LTK: variants seen among roughly 807,000 people sequenced by gnomAD.
LTK encodes leukocyte tyrosine kinase receptor.
LTK carries 117 observed loss-of-function variants against 101.5 expected under a neutral mutation model. The ratio of observed to expected loss-of-function variants is 1.15; its 90% confidence interval spans 0.99 to 1.34. The LOEUF is 1.34. Among genes scored for constraint, LTK ranks in the 40% most tolerant of loss-of-function variants. LTK has a pLI of 0.00. For missense variants in LTK, 1,252 were observed against 1,164.7 expected (o/e 1.07, Z -1.09); for synonymous variants, 563 against 494.2 (o/e 1.14, Z -1.85).
Position 41,505,770 on chromosome 15 carries a change from G to A in LTK, c.1640C>T (p.Pro547Leu). The A allele has an allele frequency of 2.5e-6, 4 of 1,613,898 alleles. No homozygotes were observed. Among genetic ancestry groups the A allele is most frequent in the Non-Finnish European group, 3.4e-6 (4 of 1,179,936 alleles). ...CTCATCCTGAGGCGAGCAGAGTTCT[G>A]GCAGGGTCTGGGGAGGAAAAGGGCA... The part of the protein sequence containing the change: ...SPLQVAIKTL[P>L]ELCSPQDELD... The change falls in exon 13 of 20, where the codon CCA becomes CTA. Residue 547 changes from proline (P) to leucine (L), a missense_variant. By Grantham distance (98) the Pro-to-Leu change is moderately conservative. Transcript: ENST00000263800.
chr15:41,510,610 C>G (rs559646912), intron 7 of LTK, among the ~76,000 whole-genome samples: 2 of 150,908 alleles, frequency 1.3e-5, no homozygotes, highest in African/African-American at 4.9e-5. Context: ...TACAGGCTCC[C>G]GCCACCACGC....
At position 41,505,207 on chromosome 15, in the gene LTK, C is replaced by T; in HGVS notation, c.1925+1G>A. 1.2e-6 allele frequency: 2 copies of T among 1,613,838 alleles called. No individual in the cohort carries two copies. Among genetic ancestry groups the T allele is most frequent in the Non-Finnish European group, 1.7e-6 (2 of 1,179,866 alleles). Reference sequence around the variant, plus strand: ...TCCCCTGAGCCAGGACTGCTCCTAACCTGTGGATGAAGTGATTTTCCTCCA... The same window carrying T: ...TCCCCTGAGCCAGGACTGCTCCTAATCTGTGGATGAAGTGATTTTCCTCCA... On this transcript the variant is annotated splice_donor_variant, in intron 15 of 19. Coordinates refer to ENST00000263800, the MANE Select transcript of LTK (RefSeq NM_002344.6). LOFTEE classifies it high-confidence loss of function.
rs776139152 is a variant in LTK, at chr15:41,513,049, G to C, written c.115C>G (p.Pro39Ala). Residue 39 changes from proline (P) to alanine (A), a missense_variant, in exon 2 of 20, where the codon CCC (proline) becomes GCC (alanine). Coordinates refer to ENST00000263800, the MANE Select transcript of LTK (RefSeq NM_002344.6). ...LRSSPLPLAS[P>A]SPRDPKVSAP... ...CTGACTTTCGGGTCCCGGGGGCTGGGACTTGCCAGCGGCAGGGGCGAGGAC... is the reference window on the plus strand; with the variant it reads ...CTGACTTTCGGGTCCCGGGGGCTGGCACTTGCCAGCGGCAGGGGCGAGGAC... 9 of 1,612,242 alleles carry C rather than the reference G, an allele frequency of 5.6e-6. No individual in the cohort carries two copies. The highest frequency in any genetic ancestry group is 7.6e-6 in the Non-Finnish European group (9 of 1,179,596).
intron 11 of LTK, 150 bp downstream of exon 11, chr15:41,506,945 C>G (rs2051305225): frequency 1.5e-6 from 1 of 655,950 alleles, no homozygotes; most frequent in African/African-American, 1.9e-5. Context: ...AAGTTACTTC[C>G]CCTTCTGGAG....
At position 41,505,454 on chromosome 15, in the gene LTK, G is replaced by C. The variant is rs1212439939; in HGVS notation, c.1774C>G (p.Leu592Val). The change falls in exon 14 of 20, where the codon CTG (leucine) becomes GTG (valine). Residue 592 changes from leucine to valine, a missense_variant. Transcript: ENST00000263800. ...RATPRLILLE[L>V]MSGGDMKSFL... The stretch of plus-strand genomic sequence containing the variant: ...CTCTTCATGTCCCCTCCAGACATCA[G>C]TTCCAGCAGAATGAGGCGAGGGGTG... 2 of 1,614,162 alleles carry C rather than the reference G, an allele frequency of 1.2e-6. No individual in the cohort carries two copies. Among genetic ancestry groups the C allele is most frequent in the Admixed American group, 3.3e-5 (2 of 60,020 alleles).
In LTK at chr15:41,511,509, G is replaced by T; in HGVS notation, c.727C>A (p.Arg243=). The change falls in exon 6 of 20, where the codon CGG becomes AGG. Residue 243 remains arginine (R), a synonymous_variant. Coordinates refer to ENST00000263800, the MANE Select transcript of LTK (RefSeq NM_002344.6). This position sits in a 1 kb window ranked among gnomAD's most constrained non-coding sequence, Gnocchi z 5.9. ...GAGGCCTGAGTCCGGCCTCGGTCCC[G>T]CGGCCTCAGGTAGGCCCGACCGCCG... ...GGGGRAYLRP[R]DRGRTQASPE... is the part of the protein sequence containing the mutation. 1 of 1,478,042 alleles carries T rather than the reference G, an allele frequency of 6.8e-7. No homozygotes were observed. The allele number at this position is 1,478,042 out of a possible 1,614,324, so 91.6% of individuals were successfully genotyped here. A position where few individuals can be genotyped will look rare whatever the true frequency, so the allele number is the denominator to read the frequency against.
Position 41,512,834 on chromosome 15 carries a change from G to C in LTK, c.232C>G (p.Arg78Gly), listed in dbSNP as rs370330041. 14 of 1,612,188 alleles carry C rather than the reference G, an allele frequency of 8.7e-6. No individual in the cohort carries two copies. In the African/African-American group the frequency reaches 1.6e-4, roughly 18 times the overall value. The change falls in exon 3 of 20, where the codon CGG becomes GGG. Residue 78 changes from arginine to glycine, a missense_variant. Coordinates refer to ENST00000263800, the MANE Select transcript of LTK (RefSeq NM_002344.6). ...CATTGTGTCTGTGTGGGCCCATGCC[G>C]GCCGCTGGCCCCGCAGGTAGAAAAC... ...WLFSTCGASGRHGPTQTQCDG... is the reference protein window; with the variant it reads ...WLFSTCGASGGHGPTQTQCDG...
At chr15:41,512,381 T>A in intron 3 of LTK, 116 bp from the exon 4 acceptor site, 2 of 1,012,422 alleles carry the variant, frequency 2.0e-6, no homozygotes, top group Non-Finnish European at 2.9e-6. Context: ...ACTTGGAGGC[T>A]GCAATCGACT....
chr15:41,505,718 G>A lies in LTK; in HGVS notation c.1692C>T (p.Ile564=). 6.2e-7 allele frequency: 1 copy of A among 1,613,834 alleles called. No homozygotes were observed. The highest frequency in any genetic ancestry group is 8.5e-7 in the Non-Finnish European group (1 of 1,179,926). Residue 564 remains isoleucine (I), a synonymous_variant, in exon 13 of 20, where the codon ATC becomes ATT. Coordinates refer to ENST00000263800, the MANE Select transcript of LTK (RefSeq NM_002344.6). ...DELDFLMEAL[I]ISKFRHQNIV... ...GCCCCTGGTCCCAGGTGCACCTGAT[G>A]ATGAGGGCCTCCATGAGGAAATCCA...
chr15:41,506,080 A>C (rs1595459549), intron 11 of LTK, 75 bp from the exon 12 acceptor site: 18 of 912,842 alleles, frequency 2.0e-5, no homozygotes, highest in East Asian at 2.5e-5. Flanking sequence ...TACCCCCTTT[A>C]CCTCCCCTGC....
rs1484865828 is a variant in LTK at position 41,513,721 on chromosome 15, C to T, written c.-12G>A. On this transcript the variant is annotated 5_prime_UTR_variant, in exon 1 of 20. Transcript: ENST00000263800. ...CCCCAGCAGCCCATCCCTGTTGGGT[C>T]CACCCGGCAACAAAAGCCCTTGCGG... is the stretch of plus-strand genomic sequence containing the variant. 1 of 1,608,674 alleles carries T rather than the reference C, an allele frequency of 6.2e-7. No individual in the cohort carries two copies. Among genetic ancestry groups the T allele is most frequent in the Non-Finnish European group, 8.5e-7 (1 of 1,177,076 alleles).
rs778764051 is a variant in LTK, at chr15:41,505,051, G to T, written c.1939C>A (p.Arg647=). Residue 647 remains arginine, a synonymous_variant, in exon 16 of 20, where the codon CGG becomes AGG. Coordinates refer to ENST00000263800, the MANE Select transcript of LTK (RefSeq NM_002344.6). ...CCAGCGCAGCTCAGCAGGCAGTTCCGGGCGGCAATATCCCTACAGAGTAGG... is the reference window on the plus strand; with the variant it reads ...CCAGCGCAGCTCAGCAGGCAGTTCCTGGCGGCAATATCCCTACAGAGTAGG... ...NHFIHRDIAA[R]NCLLSCAGPS... 5.0e-6 allele frequency: 8 copies of T among 1,612,952 alleles called. No individual in the cohort carries two copies. In the African/African-American group the frequency reaches 9.4e-5, roughly 19 times the overall value.
At position 41,503,842 on chromosome 15, in the gene LTK, G is replaced by T; in HGVS notation, c.*154C>A. On this transcript the variant is annotated 3_prime_UTR_variant, in exon 20 of 20. Coordinates refer to ENST00000263800, the MANE Select transcript of LTK (RefSeq NM_002344.6). ...TGGGCTGGTTTCCAGCATGGCAAGT[G>T]CAGCGCTGCCAGGCCAGCCCCGAGA... 1 of 903,674 alleles carries T rather than the reference G, an allele frequency of 1.1e-6. No individual in the cohort carries two copies. The highest frequency in any genetic ancestry group is 1.6e-6 in the Non-Finnish European group (1 of 612,220). The allele number at this position is 903,674 out of a possible 1,614,324, so 56.0% of individuals were successfully genotyped here.
Position 41,504,891 on chromosome 15 carries a change from G to GT in LTK, c.2019-18dup, listed in dbSNP as rs780609118. ...TAACTGGCCCTACAGGAGGGAGGAG[G>GT]TGAATGATGAGTTGTTCACCACCAA... is the stretch of plus-strand genomic sequence containing the variant. On this transcript the variant is annotated splice_polypyrimidine_tract_variant and intron_variant, in intron 16 of 19. Transcript: ENST00000263800. 3 of 1,608,098 alleles carry GT rather than the reference G, an allele frequency of 1.9e-6. No homozygotes were observed. In the South Asian group the frequency reaches 3.3e-5, roughly 18 times the overall value.
intron 17 of LTK, 46 bp downstream of exon 17, chr15:41,504,727 C>G: frequency 6.5e-7 from 1 of 1,536,098 alleles, no homozygotes; most frequent in Non-Finnish European, 8.9e-7. Flanking sequence ...GGATTAGCCT[C>G]AGGGGAGGGG....
Position 41,511,308 on chromosome 15 carries a change from G to T in LTK, c.853C>A (p.Gln285Lys). 1 of 1,369,224 alleles carries T rather than the reference G, an allele frequency of 7.3e-7. No individual in the cohort carries two copies. Among genetic ancestry groups the T allele is most frequent in the Non-Finnish European group, 9.4e-7 (1 of 1,069,344 alleles). 84.8% of individuals were successfully genotyped at this position (1,369,224 alleles called of 1,614,324 possible). The change falls in exon 7 of 20, where the codon CAG (glutamine) becomes AAG (lysine). Residue 285 changes from glutamine to lysine, a missense_variant. Physicochemically the swap from Gln to Lys is moderately conservative, Grantham distance 53 (BLOSUM62 1). Transcript: ENST00000263800. This position sits in a 1 kb window ranked among gnomAD's most constrained non-coding sequence, Gnocchi z 5.9. ...CCCTCCTGCAGTGAGCGGCCGGCCTGCGGAGAGGGAGCCCGCGACGTCCAG... is the reference window on the plus strand; with the variant it reads ...CCCTCCTGCAGTGAGCGGCCGGCCTTCGGAGAGGGAGCCCGCGACGTCCAG... ...GGWTSRAPSP[Q>K]AGRSLQEGAE...
intron 11 of LTK, 124 bp from the exon 12 acceptor site, chr15:41,506,129 C>T: frequency 1.6e-6 from 1 of 635,532 alleles, no homozygotes. Context: ...TAGACTCTCT[C>T]CATACCATGG....
chr15:41,511,940 G>C lies in LTK; in HGVS notation c.534C>G (p.Val178=). The change falls in exon 5 of 20, where the codon GTC becomes GTG. Residue 178 remains valine, a synonymous_variant. Coordinates refer to ENST00000263800, the MANE Select transcript of LTK (RefSeq NM_002344.6). The surrounding 1 kb of genome is among the most constrained non-coding windows in gnomAD (Gnocchi z 5.9). ...CAACGGCTCGAGACTCCCCGAGGCA[G>C]ACGAGCTGGCTCTCCGGGCTACCCT... ...CPGGSPESQL[V]CLGESRAVEE... is the part of the protein sequence containing the mutation. The C allele has an allele frequency of 6.7e-7, 1 of 1,496,480 alleles. No individual in the cohort carries two copies. Among genetic ancestry groups the C allele is most frequent in the Non-Finnish European group, 8.8e-7 (1 of 1,137,612 alleles). The allele number at this position is 1,496,480 out of a possible 1,614,324, so 92.7% of individuals were successfully genotyped here.
Position 41,505,946 on chromosome 15 carries a change from C to A in LTK, c.1601G>T (p.Gly534Val). ...AGCTACCTGCAGGGGACTGGAGTCC[C>A]CAGGAAGGCCAATTACCAGTCCCTC... ...VYEGLVIGLP[G>V]DSSPLQVAIK... The change falls in exon 12 of 20, where the codon GGG (glycine) becomes GTG (valine). Residue 534 changes from glycine (G) to valine (V), a missense_variant. Physicochemically the swap from Gly to Val is moderately radical, Grantham distance 109. Coordinates refer to ENST00000263800, the MANE Select transcript of LTK (RefSeq NM_002344.6). 1 of 1,614,036 alleles carries A rather than the reference C, an allele frequency of 6.2e-7. No individual in the cohort carries two copies. Among genetic ancestry groups the A allele is most frequent in the Non-Finnish European group, 8.5e-7 (1 of 1,179,962 alleles).
Sources: allele counts gnomAD v4.1 joint callset (sites outside exome capture counted in the v4.1 genomes callset), GRCh38; gene constraint gnomAD v4.1.1; non-coding constraint Gnocchi (gnomAD v3.1); transcripts MANE v1.5; gene names NCBI Gene and HGNC (gene_info 2026-07-23, HGNC 2026-07-21).